Variants in GLMN observed in about 807,000 individuals in gnomAD.
GLMN encodes glomulin.
A neutral mutation model predicts 87.8 loss-of-function variants in GLMN; 75 were observed. The observed-to-expected ratio is 0.85, with a 90% CI of 0.71 to 1.04. GLMN has a LOEUF of 1.04. GLMN is among the 50% of genes least tolerant of loss of function. The pLI is 0.00. For synonymous variants in GLMN, 206 were observed against 221.6 expected (o/e 0.93, Z 0.63); for missense variants, 588 against 658.8 (o/e 0.89, Z 1.18).
At position 92,287,343 on chromosome 1, in the gene GLMN, T is replaced by C. The variant is rs560317871; in HGVS notation, c.633-751A>G. Among the ~76,000 whole-genome samples the C allele has an allele frequency of 3.9e-5, 6 of 152,304 alleles. No homozygotes were observed. In the East Asian group the frequency reaches 9.6e-4, roughly 24 times the overall value. On this transcript the variant is annotated intron_variant, in intron 6 of 18. Coordinates refer to ENST00000370360, the MANE Select transcript of GLMN (RefSeq NM_053274.3). ...TTTATGAAATAATGGGTTTTATAAA[T>C]GGTAAAAAACTTTTTTTTTGAGACA...
intron 7 of GLMN, among the ~76,000 whole-genome samples, chr1:92,278,931 T>C (rs760401733): frequency 2.0e-5 from 3 of 152,214 alleles, no homozygotes; most frequent in African/African-American, 7.2e-5. Context: ...ACCCCAGACA[T>C]TGATACTAGT....
intron 18 of GLMN, 104 bp from the exon 19 acceptor site, chr1:92,246,750 ACCAG>A: frequency 1.3e-6 from 1 of 747,284 alleles, no homozygotes; most frequent in Non-Finnish European, 2.5e-6. Flanking sequence ...AATATTTAAG[ACCAG>A]GTACAGTGGT....
At chr1:92,284,493 T>C (rs909970967) in intron 7 of GLMN, among the ~76,000 whole-genome samples, 5 of 152,138 alleles carry the variant, frequency 3.3e-5, no homozygotes, top group Admixed American at 2.0e-4. Flanking sequence ...AAGACTTAAA[T>C]GTAAGACTTA....
chr1:92,330,833 T>C, the GLMN span, among the ~76,000 whole-genome samples: 3 of 152,202 alleles, frequency 2.0e-5, no homozygotes, highest in Non-Finnish European at 2.9e-5. Context: ...GTGCTTACTA[T>C]ACAATGTGTG....
intron 16 of GLMN, among the ~76,000 whole-genome samples, chr1:92,256,295 C>A (rs1654237163): frequency 6.6e-6 from 1 of 151,864 alleles, no homozygotes; most frequent in African/African-American, 2.4e-5. Context: ...CAGGACCAGA[C>A]AGATTCACAG....
At chr1:92,356,227 T>G in the GLMN span, among the ~76,000 whole-genome samples, 1 of 152,112 alleles carries the variant, frequency 6.6e-6, no homozygotes, top group African/African-American at 2.4e-5. Flanking sequence ...TCCACCTGCC[T>G]CAGCCTCCCA....
At chr1:92,252,872 C>T (rs561323070) in intron 16 of GLMN, among the ~76,000 whole-genome samples, 2 of 152,242 alleles carry the variant, frequency 1.3e-5, no homozygotes, top group East Asian at 3.9e-4. Flanking sequence ...TACTGATTTC[C>T]AGTTCTAAGG....
chr1:92,319,898 T>C, the GLMN span, among the ~76,000 whole-genome samples: 19 of 151,372 alleles, frequency 1.3e-4, no homozygotes, highest in African/African-American at 4.6e-4. Context: ...CTTGAGAGGC[T>C]GAGGCAGGAG....
chr1:92,291,679 T>C, intron 3 of GLMN, 142 bp from the exon 4 acceptor site: 2 of 799,414 alleles, frequency 2.5e-6, no homozygotes, highest in Non-Finnish European at 4.2e-6. Flanking sequence ...CACCAGAGAC[T>C]TTCCAGGGTT....
At position 92,283,578 on chromosome 1, in the gene GLMN, C is replaced by T. The variant is rs1002175864; in HGVS notation, c.735+2912G>A. 3.9e-5 allele frequency among the ~76,000 whole-genome samples: 6 copies of T among 152,180 alleles called. No homozygotes were observed. In the East Asian group the frequency reaches 7.7e-4, roughly 20 times the overall value. On this transcript the variant is annotated intron_variant, in intron 7 of 18. Coordinates refer to ENST00000370360, the MANE Select transcript of GLMN (RefSeq NM_053274.3). ...ATGGCACAAGACAAGGAAGCCCTCT[C>T]TCACCACTCCTATTCAACACAGTGT...
the GLMN span, among the ~76,000 whole-genome samples, chr1:92,354,842 C>T: frequency 6.6e-6 from 1 of 151,120 alleles, no homozygotes; most frequent in African/African-American, 2.4e-5. Flanking sequence ...AATTTGGGGA[C>T]ATTAGCTTTG....
chr1:92,363,001 G>A, the GLMN span, among the ~76,000 whole-genome samples: 2 of 152,220 alleles, frequency 1.3e-5, no homozygotes, highest in South Asian at 4.1e-4. Context: ...TGCAGCCAAG[G>A]TTATACATTG....
At chr1:92,248,741 A>G (rs1480890261) in intron 16 of GLMN, among the ~76,000 whole-genome samples, 3 of 152,128 alleles carry the variant, frequency 2.0e-5, no homozygotes, top group Non-Finnish European at 2.9e-5. Flanking sequence ...TTTTGACCCA[A>G]GTAGTACATG....
the GLMN span, among the ~76,000 whole-genome samples, chr1:92,349,049 C>G: frequency 6.6e-6 from 1 of 152,304 alleles, no homozygotes; most frequent in Non-Finnish European, 1.5e-5. Context: ...AGCTTATTGC[C>G]ACTAACATTG....
At chr1:92,363,376 A>G in the GLMN span, among the ~76,000 whole-genome samples, 1 of 152,234 alleles carries the variant, frequency 6.6e-6, no homozygotes, top group African/African-American at 2.4e-5. Context: ...ATCATGGCAC[A>G]GGCAGATGGA....
At chr1:92,299,069 C>G (rs924004376), upstream of GLMN, 37 of 1,496,026 alleles carry the variant, frequency 2.5e-5, no homozygotes, top group East Asian at 7.8e-5. Flanking sequence ...AGACTACTCT[C>G]CCCCATGGCG....
At chr1:92,295,985 A>G (rs1650002399) in intron 3 of GLMN, among the ~76,000 whole-genome samples, 2 of 152,220 alleles carry the variant, frequency 1.3e-5, no homozygotes, top group South Asian at 4.1e-4. Context: ...AAGATTTATT[A>G]TATTGGAGGT....
At chr1:92,309,450 A>AAG in the GLMN span, among the ~76,000 whole-genome samples, 1 of 151,824 alleles carries the variant, frequency 6.6e-6, no homozygotes, top group Non-Finnish European at 1.5e-5. Context: ...CAAAAAAAAA[A>AAG]AAATGGACTT....
chr1:92,290,356 G>C, intron 4 of GLMN, 50 bp from the exon 5 acceptor site: 1 of 1,055,888 alleles, frequency 9.5e-7, no homozygotes, highest in Non-Finnish European at 1.5e-6. Context: ...TGTATTTAAA[G>C]CCACATTATT....
Sources: gnomAD v4.1 joint callset for allele counts (sites outside exome capture counted in the v4.1 genomes callset) on GRCh38, gnomAD v4.1.1 for gene constraint, MANE v1.5 for transcripts, NCBI Gene and HGNC (gene_info 2026-07-23, HGNC 2026-07-21) for gene names.